The following FNDC3B variants were observed in gnomAD, a reference collection of about 807,000 sequenced individuals.
The protein encoded by FNDC3B is fibronectin type III domain-containing protein 3B.
A neutral mutation model predicts 151.5 loss-of-function variants in FNDC3B; 12 were observed. That is an observed-to-expected ratio of 0.08 (90% confidence interval 0.05 to 0.13). The LOEUF is 0.13. FNDC3B is among the 10% of genes least tolerant of loss of function. The pLI is 1.00. For synonymous variants in FNDC3B, 528 were observed against 549.0 expected (o/e 0.96, Z 0.54); for missense variants, 1,214 against 1,505.3 (o/e 0.81, Z 3.20).
chr3:172,127,002 G>A (rs1366330086), intron 2 of FNDC3B: 3 of 456,590 alleles, frequency 6.6e-6, no homozygotes, highest in African/African-American at 6.0e-5. Context: ...AATGCATTGG[G>A]AGGTGAGCCC....
intron 3 of FNDC3B, among the ~76,000 whole-genome samples, chr3:172,158,687 GGTGTGAAGTCTAAAGACCTTT>G (rs1722621432): frequency 6.6e-6 from 1 of 152,002 alleles, no homozygotes; most frequent in Non-Finnish European, 1.5e-5. Flanking sequence ...TTATGGTTTT[GGTGTGAAGTCTAAAGACCTTT>G]GTCTACTCCC....
At chr3:172,339,517 C>T (rs192188617) in intron 16 of FNDC3B, among the ~76,000 whole-genome samples, 157 of 152,136 alleles carry the variant, frequency 1.0e-3, no homozygotes, top group African/African-American at 3.7e-3. Flanking sequence ...GAGCCGAGAT[C>T]GCACCACTGC....
At chr3:172,059,688 C>T (rs183915813) in intron 1 of FNDC3B, among the ~76,000 whole-genome samples, 3 of 152,098 alleles carry the variant, frequency 2.0e-5, no homozygotes, top group Non-Finnish European at 2.9e-5. Context: ...AAGTCAATAA[C>T]GCAATTCATT....
chr3:172,206,784 G>A (rs913102578), intron 3 of FNDC3B, among the ~76,000 whole-genome samples: 18 of 150,700 alleles, frequency 1.2e-4, no homozygotes, highest in East Asian at 5.8e-4. Context: ...TATAAACACC[G>A]ACTGACTGAA....
At position 172,340,149 on chromosome 3, in the gene FNDC3B, T is replaced by TG. The variant is rs370582995; in HGVS notation, c.1853-963dup. On this transcript the variant is annotated intron_variant, in intron 16 of 25. Transcript: ENST00000415807. ...CGGCTGAGGCAGCCCTGGGTGCCCT[T>TG]GCTTCTGACGGCATCAGCCTTGGGG... 6.6e-4 allele frequency among the ~76,000 whole-genome samples: 101 copies of TG among 152,340 alleles called. 1 individual carries two copies. The highest frequency in any genetic ancestry group is 2.0e-3 in the African/African-American group (84 of 41,582).
At chr3:172,094,560 T>C (rs147911839) in intron 1 of FNDC3B, among the ~76,000 whole-genome samples, 1,820 of 152,308 alleles carry the variant, frequency 0.012, 32 homozygotes, top group African/African-American at 0.041. Context: ...TACATTTTTG[T>C]GTGTCCATTC....
intron 23 of FNDC3B, among the ~76,000 whole-genome samples, chr3:172,366,927 C>A (rs77689669): frequency 6.6e-6 from 1 of 152,082 alleles, no homozygotes; most frequent in Non-Finnish European, 1.5e-5. Context: ...AAGTAACTGT[C>A]TCTATTTTGT....
At chr3:172,178,306 C>A (rs561661239) in intron 3 of FNDC3B, among the ~76,000 whole-genome samples, 30 of 151,992 alleles carry the variant, frequency 2.0e-4, no homozygotes, top group Non-Finnish European at 4.0e-4. Flanking sequence ...TGGACATTAG[C>A]CCAAACCCCA....
chr3:172,399,507 G>A lies in FNDC3B; in HGVS notation c.*2032G>A, dbSNP rs955006114. On this transcript the variant is annotated 3_prime_UTR_variant, in exon 26 of 26. Coordinates refer to ENST00000415807, the MANE Select transcript of FNDC3B (RefSeq NM_022763.4). ...AATTATTCTGTGTGCCTATATTGAC[G>A]TAGTGAGTACTAGAGAGTTCTGTAT... is the stretch of plus-strand genomic sequence containing the variant. 3 of 152,556 alleles carry A rather than the reference G, an allele frequency of 2.0e-5. No homozygotes were observed. The highest frequency in any genetic ancestry group is 4.1e-4 in the South Asian group (2 of 4,828). 9.5% of individuals were successfully genotyped at this position (152,556 alleles called of 1,614,324 possible).
rs760283863 is a variant in FNDC3B at position 172,331,502 on chromosome 3, C to T, written c.1554+787C>T. On this transcript the variant is annotated intron_variant, in intron 13 of 25. Coordinates refer to ENST00000415807, the MANE Select transcript of FNDC3B (RefSeq NM_022763.4). ...TTTCCCAAGTAGCTGGGACTACAGG[C>T]GCCCGCCACCACACCCGGCTAATTT... is the stretch of plus-strand genomic sequence containing the variant. Among the ~76,000 whole-genome samples the T allele has an allele frequency of 1.2e-3, 181 of 152,194 alleles. 1 individual carries two copies. The highest frequency in any genetic ancestry group is 1.0e-3 in the Non-Finnish European group (69 of 68,004).
intron 24 of FNDC3B, 107 bp downstream of exon 24, chr3:172,378,543 G>T: frequency 9.9e-7 from 1 of 1,012,034 alleles, no homozygotes. Context: ...CAGCAAGATA[G>T]AATCAAAAGA....
At chr3:172,051,126 C>G (rs1332356384) in intron 1 of FNDC3B, among the ~76,000 whole-genome samples, 2 of 150,196 alleles carry the variant, frequency 1.3e-5, no homozygotes, top group Non-Finnish European at 3.0e-5. Flanking sequence ...TCTTGTTGCC[C>G]AGGCTGGAGT....
intron 8 of FNDC3B, among the ~76,000 whole-genome samples, chr3:172,296,120 C>T (rs1730591256): frequency 6.6e-6 from 1 of 152,180 alleles, no homozygotes. Context: ...TTTAGGGCCA[C>T]GTCTTTCTTC....
intron 25 of FNDC3B, among the ~76,000 whole-genome samples, chr3:172,384,650 G>C (rs1735616687): frequency 6.6e-6 from 1 of 152,114 alleles, no homozygotes; most frequent in Admixed American, 6.5e-5. Flanking sequence ...GCTTCCCAAA[G>C]CACAGTGACT....
chr3:172,401,238 C>T lies in FNDC3B; in HGVS notation c.*3763C>T, dbSNP rs566578359. On this transcript the variant is annotated 3_prime_UTR_variant, in exon 26 of 26. Transcript: ENST00000415807. ...CAGCCTTATTCTTCCCTTTTAAATA[C>T]TTAAAGCACATTCAGATTAGTTGAA... 2 of 152,324 alleles carry T rather than the reference C, an allele frequency of 1.3e-5. No individual in the cohort carries two copies. Among genetic ancestry groups the T allele is most frequent in the East Asian group, 3.9e-4 (2 of 5,182 alleles). The allele number at this position is 152,324 out of a possible 1,614,324, so 9.4% of individuals were successfully genotyped here.
Position 172,084,472 on chromosome 3 carries a change from T to TACACACAC in FNDC3B, c.-28-27974_-28-27967dup, listed in dbSNP as rs138156277. ...CTCAAAAAAAAAATATGTATATGTA[T>TACACACAC]ACACACACACACATACACACACACA... On this transcript the variant is annotated intron_variant, in intron 1 of 25. Transcript: ENST00000415807. 3.6e-3 allele frequency among the ~76,000 whole-genome samples: 512 copies of TACACACAC among 143,632 alleles called. 5 individuals carry two copies. Among genetic ancestry groups the TACACACAC allele is most frequent in the African/African-American group, 0.01 (392 of 38,336 alleles). 94.2% of individuals were successfully genotyped at this position (143,632 alleles called of 152,430 possible).
intron 1 of FNDC3B, among the ~76,000 whole-genome samples, chr3:172,099,026 G>A (rs1719236792): frequency 6.6e-6 from 1 of 152,200 alleles, no homozygotes; most frequent in African/African-American, 2.4e-5. Context: ...ACAGTGACTG[G>A]CTAGAGCAAA....
At chr3:172,052,595 G>A (rs1716717716) in intron 1 of FNDC3B, among the ~76,000 whole-genome samples, 1 of 152,192 alleles carries the variant, frequency 6.6e-6, no homozygotes, top group Non-Finnish European at 1.5e-5. Flanking sequence ...TGCAGGGGGA[G>A]TTAAAGACTG....
Position 172,119,169 on chromosome 3 carries a change from T to TAAAA in FNDC3B, c.111+6599_111+6602dup, listed in dbSNP as rs555243695. 6.2e-4 allele frequency among the ~76,000 whole-genome samples: 63 copies of TAAAA among 102,102 alleles called. 1 individual carries two copies. The highest frequency in any genetic ancestry group is 1.9e-3 in the African/African-American group (47 of 24,972). The allele number at this position is 102,102 out of a possible 152,430, so 67.0% of individuals were successfully genotyped here. The stretch of plus-strand genomic sequence containing the variant: ...TGGGTGACACAGTGAGACTCTGCCT[T>TAAAA]AAAAAAAAAAAAAAAAAAAAAAAGA... On this transcript the variant is annotated intron_variant, in intron 2 of 25. Transcript: ENST00000415807.
Sources: gnomAD v4.1 joint callset for allele counts (sites outside exome capture counted in the v4.1 genomes callset) on GRCh38, gnomAD v4.1.1 for gene constraint, MANE v1.5 for transcripts, NCBI Gene and HGNC (gene_info 2026-07-23, HGNC 2026-07-21) for gene names.